Variants in ERC1 observed in about 807,000 individuals in gnomAD.
ERC1 encodes RAB6 interacting protein 2.
A neutral mutation model predicts 132.0 loss-of-function variants in ERC1; 56 were observed. That is an observed-to-expected ratio of 0.42 (90% confidence interval 0.34 to 0.53). The LOEUF (loss-of-function observed/expected upper bound fraction) is 0.53. ERC1 is among the 20% of genes least tolerant of loss of function. The probability of loss-of-function intolerance (pLI) is 0.03; values close to 1 mark genes in which losing one functional copy is unlikely to be tolerated. For missense variants in ERC1, 1,202 were observed against 1,349.9 expected, an observed-to-expected ratio of 0.89 and a Z score of 1.72; for synonymous variants, 478 against 476.1, an observed-to-expected ratio of 1.00 and a Z score of -0.05.
chr12:1,208,409 C>T (rs569971302), intron 12 of ERC1, among the ~76,000 whole-genome samples: 1 of 149,682 alleles, frequency 6.7e-6, no homozygotes, highest in South Asian at 2.1e-4. Flanking sequence ...ATGTGTAGGC[C>T]GATAATTCTT....
Position 1,331,353 on chromosome 12 carries a change from A to G in ERC1, c.2781-40480A>G, listed in dbSNP as rs1251221226. ...CCAATAGTTCTTTCAATCTTATCCCATAAGGTATCATATTGGGTGACTATA... is the reference window on the plus strand; with the variant it reads ...CCAATAGTTCTTTCAATCTTATCCCGTAAGGTATCATATTGGGTGACTATA... On this transcript the variant is annotated intron_variant, in intron 15 of 18. Transcript: ENST00000360905. 4.6e-5 allele frequency among the ~76,000 whole-genome samples: 7 copies of G among 152,172 alleles called. No individual in the cohort carries two copies. In the East Asian group the frequency reaches 1.2e-3, roughly 25 times the overall value.
intron 16 of ERC1, among the ~76,000 whole-genome samples, chr12:1,388,475 T>G (rs888669611): frequency 7.2e-5 from 11 of 152,012 alleles, no homozygotes; most frequent in African/African-American, 2.7e-4. Context: ...ATAGAAGGCT[T>G]CTTATTACCA....
intron 1 of ERC1, among the ~76,000 whole-genome samples, chr12:1,021,915 A>T (rs566141749): frequency 1.4e-4 from 22 of 152,330 alleles, no homozygotes; most frequent in Admixed American, 8.5e-4. Flanking sequence ...TTCTGTCAGT[A>T]TCCATGAAAT....
At chr12:999,609 ATTTTT>A (rs10661786) in intron 1 of ERC1, among the ~76,000 whole-genome samples, 4 of 102,942 alleles carry the variant, frequency 3.9e-5, no homozygotes, top group East Asian at 2.7e-4. Flanking sequence ...GTGCTAGGTG[ATTTTT>A]TTTTTTTTTT....
At chr12:1,251,482 G>A (rs1047786059) in intron 13 of ERC1, among the ~76,000 whole-genome samples, 16 of 152,042 alleles carry the variant, frequency 1.1e-4, no homozygotes, top group African/African-American at 3.6e-4. Context: ...TTAGAGTAAC[G>A]GATCACAATG....
chr12:1,113,434 C>G (rs573021769), intron 6 of ERC1, among the ~76,000 whole-genome samples: 7 of 152,304 alleles, frequency 4.6e-5, no homozygotes, highest in African/African-American at 1.7e-4. Flanking sequence ...CAGTCTTCTT[C>G]CACATACTGC....
chr12:1,115,833 T>G, intron 6 of ERC1, 33 bp from the exon 7 acceptor site: 4 of 1,589,694 alleles, frequency 2.5e-6, no homozygotes, highest in Non-Finnish European at 3.4e-6. Context: ...GTTTTATTTC[T>G]TTTTTCCTTA....
intron 16 of ERC1, among the ~76,000 whole-genome samples, chr12:1,401,410 G>A (rs2154387633): frequency 6.6e-6 from 1 of 152,282 alleles, no homozygotes; most frequent in African/African-American, 2.4e-5. Context: ...AATCGTTTCT[G>A]AAGGAGGACA....
chr12:1,083,472 C>T lies in ERC1; in HGVS notation c.978C>T (p.Thr326=), dbSNP rs372829989. ...GCAAAGGACTTTCTGCCAAGGCTACCGAGGAAGACCATGAGAGAACAAGAC... is the reference window on the plus strand; with the variant it reads ...GCAAAGGACTTTCTGCCAAGGCTACTGAGGAAGACCATGAGAGAACAAGAC... The part of the protein sequence containing the change: ...LQSKGLSAKA[T]EEDHERTRRL... Residue 326 remains threonine (T), a synonymous_variant, in exon 3 of 19, where the codon ACC becomes ACT. Transcript: ENST00000360905. 9 of 1,613,942 alleles carry T rather than the reference C, an allele frequency of 5.6e-6. No individual in the cohort carries two copies. Among genetic ancestry groups the T allele is most frequent in the African/African-American group, 4.0e-5 (3 of 74,884 alleles).
chr12:1,212,519 A>G lies in ERC1; in HGVS notation c.2351+22467A>G, dbSNP rs573786457. On this transcript the variant is annotated intron_variant, in intron 12 of 18. Coordinates refer to ENST00000360905, the MANE Select transcript of ERC1 (RefSeq NM_178040.4). ...GCCTGGGAAGTATTTGAGAGCACGA[A>G]CAATTTTTATTCATGAAATTGTTGC... Among the ~76,000 whole-genome samples the G allele has an allele frequency of 1.7e-3, 265 of 152,324 alleles. 1 individual carries two copies. The highest frequency in any genetic ancestry group is 2.4e-3 in the Non-Finnish European group (164 of 68,022).
intron 16 of ERC1, among the ~76,000 whole-genome samples, chr12:1,381,807 C>T (rs748237573): frequency 5.3e-5 from 8 of 152,196 alleles, no homozygotes; most frequent in Non-Finnish European, 1.0e-4. Context: ...AATTTCCTAG[C>T]CTGAAGTCAC....
chr12:1,418,670 CTTTCTTTCTTTCTT>C (rs1469484890), intron 17 of ERC1, among the ~76,000 whole-genome samples: 14 of 20,564 alleles, frequency 6.8e-4, no homozygotes, highest in Non-Finnish European at 1.1e-3. Context: ...TCTTTCTTTT[CTTTCTTTCTTTCTT>C]TCTTTCTTTC....
At chr12:1,409,829 C>T (rs929688283) in intron 17 of ERC1, among the ~76,000 whole-genome samples, 1 of 152,126 alleles carries the variant, frequency 6.6e-6, no homozygotes, top group Non-Finnish European at 1.5e-5. Context: ...CTGCCTCACC[C>T]TTCTGAGTAG....
At chr12:1,310,545 A>G (rs940480192) in intron 15 of ERC1, among the ~76,000 whole-genome samples, 8 of 152,198 alleles carry the variant, frequency 5.3e-5, no homozygotes, top group Admixed American at 5.2e-4. Context: ...TTACTGCTTT[A>G]TTACTAGAAT....
chr12:1,244,439 C>G (rs2076027274), intron 13 of ERC1: 3 of 392,526 alleles, frequency 7.6e-6, no homozygotes, highest in Non-Finnish European at 1.5e-5. Context: ...TTTAGTATTT[C>G]TACGTTAAGT....
In ERC1 at chr12:1,002,764, A is replaced by C. The variant is rs904812124; in HGVS notation, c.-157+11442A>C. Among the ~76,000 whole-genome samples, 4 of 152,248 alleles carry C rather than the reference A, an allele frequency of 2.6e-5. No individual in the cohort carries two copies. In the East Asian group the frequency reaches 5.8e-4, roughly 22 times the overall value. On this transcript the variant is annotated intron_variant, in intron 1 of 18. Coordinates refer to ENST00000360905, the MANE Select transcript of ERC1 (RefSeq NM_178040.4). ...CTTGGTTTTAATCTGCATTTCACTT[A>C]TTACTAATGAGGTTGAATAATTTTA...
chr12:1,401,607 A>G (rs77365754), intron 16 of ERC1, among the ~76,000 whole-genome samples: 176 of 152,326 alleles, frequency 1.2e-3, no homozygotes, highest in African/African-American at 3.7e-3. Context: ...CTGTACCTCA[A>G]TAAAATTGAC....
rs527859829 is a variant in ERC1, at chr12:1,115,868, T to G, written c.1404T>G (p.Ile468Met). Residue 468 changes from isoleucine (I) to methionine (M), a missense_variant and splice_region_variant, in exon 7 of 19, where the codon ATT (isoleucine) becomes ATG (methionine). Physicochemically the swap from Ile to Met is conservative, Grantham distance 10. Coordinates refer to ENST00000360905, the MANE Select transcript of ERC1 (RefSeq NM_178040.4). Reference protein sequence around the residue: ...KKKAAGLQAEIGQVKQELSRK... With the variant: ...KKKAAGLQAEMGQVKQELSRK... The stretch of plus-strand genomic sequence containing the variant: ...AAAGTGTTTTACTTCTTTTCTAGAT[T>G]GGCCAGGTGAAACAGGAGCTGTCCA... The G allele has an allele frequency of 3.1e-6, 5 of 1,612,344 alleles. No individual in the cohort carries two copies. In the African/African-American group the frequency reaches 5.3e-5, roughly 17 times the overall value.
intron 2 of ERC1, among the ~76,000 whole-genome samples, chr12:1,039,022 A>G (rs1488279503): frequency 6.6e-6 from 1 of 151,796 alleles, no homozygotes; most frequent in Admixed American, 6.6e-5. Flanking sequence ...TCGGCAAAAT[A>G]GTGAGACCCC....
Sources: allele counts gnomAD v4.1 joint callset (sites outside exome capture counted in the v4.1 genomes callset), GRCh38; gene constraint gnomAD v4.1.1; transcripts MANE v1.5; gene names NCBI Gene and HGNC (gene_info 2026-07-23, HGNC 2026-07-21).